PRRC2C: variants seen among roughly 807,000 people sequenced by gnomAD.
The protein encoded by PRRC2C is proline rich coiled-coil 2C, also known as protein PRRC2C.
Under a neutral mutation model 317.2 loss-of-function variants are expected in PRRC2C, and 72 were observed. The ratio of observed to expected loss-of-function variants is 0.23; its 90% CI spans 0.19 to 0.28. The LOEUF is 0.28. Ranked by LOEUF, PRRC2C falls within the 10% of genes least tolerant of loss-of-function variation. The probability of loss-of-function intolerance (pLI) is 1.00; values close to 1 mark genes in which losing one functional copy is unlikely to be tolerated. For synonymous variants in PRRC2C, 1,296 were observed against 1,205.9 expected (o/e 1.07, Z -1.55); for missense variants, 3,074 against 3,459.7 (o/e 0.89, Z 2.80).
At chr1:171,548,731 T>G (rs2102562307) in intron 17 of PRRC2C, among the ~76,000 whole-genome samples, 1 of 152,354 alleles carries the variant, frequency 6.6e-6, no homozygotes, top group Non-Finnish European at 1.5e-5. Context: ...AATAATTGGT[T>G]AGTTGGAAAA....
chr1:171,589,243 CT>C, intron 33 of PRRC2C, 125 bp from the exon 34 acceptor site: 1 of 420,714 alleles, frequency 2.4e-6, no homozygotes, highest in Non-Finnish European at 4.2e-6. Flanking sequence ...AATCTGTACA[CT>C]TCCTTTCACT....
chr1:171,486,673 C>G (rs374216761), intron 1 of PRRC2C, among the ~76,000 whole-genome samples: 1 of 152,120 alleles, frequency 6.6e-6, no homozygotes, highest in South Asian at 2.1e-4. Flanking sequence ...TAGATTCATA[C>G]CTCGTTAGAG....
intron 1 of PRRC2C, among the ~76,000 whole-genome samples, chr1:171,498,280 A>G (rs1359854794): frequency 6.6e-6 from 1 of 152,190 alleles, no homozygotes; most frequent in East Asian, 1.9e-4. Context: ...TATAAATAAC[A>G]GAAATTAATT....
chr1:171,584,373 A>G, intron 29 of PRRC2C, 46 bp from the exon 30 acceptor site: 1 of 1,490,176 alleles, frequency 6.7e-7, no homozygotes, highest in East Asian at 2.4e-5. Context: ...CTGAATTTGA[A>G]ATTTTTTTCA....
At chr1:171,527,950 A>G in intron 11 of PRRC2C, 106 bp downstream of exon 11, 1 of 860,262 alleles carries the variant, frequency 1.2e-6, no homozygotes, top group Non-Finnish European at 1.9e-6. Context: ...ACAGTTACTA[A>G]CTTTTTACCT....
chr1:171,551,861 G>T (rs1280861067), intron 18 of PRRC2C, among the ~76,000 whole-genome samples: 1 of 152,172 alleles, frequency 6.6e-6, no homozygotes, highest in African/African-American at 2.4e-5. Context: ...TTTGGTTACT[G>T]TAGACTTGTA....
chr1:171,525,677 A>G lies in PRRC2C; in HGVS notation c.1200+712A>G, dbSNP rs965912439. On this transcript the variant is annotated intron_variant, in intron 10 of 34. Transcript: ENST00000647382. ...GCAGTTACAGTGTGCTAAGTGGCGT[A>G]ATCATAGAGGGTACAAAATAAATTC... Among the ~76,000 whole-genome samples the G allele has an allele frequency of 5.9e-5, 9 of 152,202 alleles. 1 individual carries two copies. Among genetic ancestry groups the G allele is most frequent in the Non-Finnish European group, 7.4e-5 (5 of 68,022 alleles).
chr1:171,498,726 G>A (rs1668561970), intron 1 of PRRC2C, among the ~76,000 whole-genome samples: 1 of 152,186 alleles, frequency 6.6e-6, no homozygotes, highest in Admixed American at 6.5e-5. Context: ...CTCCCTGGAT[G>A]TCCTACTGGA....
At chr1:171,586,123 C>A (rs1409034615) in intron 30 of PRRC2C, among the ~76,000 whole-genome samples, 1 of 122,012 alleles carries the variant, frequency 8.2e-6, no homozygotes, top group Non-Finnish European at 1.6e-5. Context: ...AGTGCAGTGG[C>A]ATGATCTTGG....
At chr1:171,505,327 T>C (rs1188110939) in intron 1 of PRRC2C, among the ~76,000 whole-genome samples, 2 of 152,078 alleles carry the variant, frequency 1.3e-5, no homozygotes, top group East Asian at 3.9e-4. Flanking sequence ...CGTGTCCGGC[T>C]GTATTTCATT....
chr1:171,536,807 A>G (rs1344834869), intron 14 of PRRC2C, among the ~76,000 whole-genome samples: 1 of 152,216 alleles, frequency 6.6e-6, no homozygotes, highest in Non-Finnish European at 1.5e-5. Context: ...TGATTTTTAC[A>G]TTTATACTGG....
Position 171,523,865 on chromosome 1 carries a change from A to G in PRRC2C, c.1055+343A>G, listed in dbSNP as rs1208093921. Among the ~76,000 whole-genome samples the G allele has an allele frequency of 2.6e-5, 4 of 152,016 alleles. 1 individual carries two copies. Among genetic ancestry groups the G allele is most frequent in the Non-Finnish European group, 5.9e-5 (4 of 67,988 alleles). On this transcript the variant is annotated intron_variant, in intron 9 of 34. Coordinates refer to ENST00000647382, the MANE Select transcript of PRRC2C (RefSeq NM_001387844.1). ...AGCTTGGCCAACATGGTGAAACCCC[A>G]TCTCTACTAAAAATACAAAAATTAT...
intron 1 of PRRC2C, among the ~76,000 whole-genome samples, chr1:171,507,822 T>G (rs1306478857): frequency 6.6e-6 from 1 of 152,218 alleles, no homozygotes; most frequent in East Asian, 1.9e-4. Flanking sequence ...TTCGATTTCT[T>G]GTATCAATAT....
chr1:171,528,681 C>G (rs534537330), intron 11 of PRRC2C, among the ~76,000 whole-genome samples: 137 of 152,282 alleles, frequency 9.0e-4, no homozygotes, highest in African/African-American at 3.0e-3. Context: ...TCTTTTCCCA[C>G]TCTACCTTTG....
chr1:171,493,836 GTTTTTC>G (rs1431227612), intron 1 of PRRC2C, among the ~76,000 whole-genome samples: 2 of 152,038 alleles, frequency 1.3e-5, no homozygotes, highest in Non-Finnish European at 2.9e-5. Flanking sequence ...CTATGCTTGG[GTTTTTC>G]TTTTTAATAT....
rs539179756 is a variant in PRRC2C, at chr1:171,545,771, C to T, written c.4972+84C>T. ...TTTGCTACATTTTAAAATGTAGATGCCACAATTAAAGAAGTTTTCCAAGAA... is the reference window on the plus strand; with the variant it reads ...TTTGCTACATTTTAAAATGTAGATGTCACAATTAAAGAAGTTTTCCAAGAA... On this transcript the variant is annotated intron_variant, in intron 17 of 34. Coordinates refer to ENST00000647382, the MANE Select transcript of PRRC2C (RefSeq NM_001387844.1). The T allele has an allele frequency of 6.4e-6, 6 of 943,304 alleles. No homozygotes were observed. The African/African-American group carries it at 1.1e-4, about 17-fold the overall frequency. The allele number at this position is 943,304 out of a possible 1,614,324, so 58.4% of individuals were successfully genotyped here.
intron 18 of PRRC2C, among the ~76,000 whole-genome samples, chr1:171,551,375 G>A (rs570647865): frequency 2.0e-5 from 3 of 152,144 alleles, no homozygotes; most frequent in South Asian, 2.1e-4. Context: ...TTTGTCAGAT[G>A]AGTAGATTGC....
intron 19 of PRRC2C, 51 bp downstream of exon 19, chr1:171,558,194 G>A: frequency 6.6e-7 from 1 of 1,517,968 alleles, no homozygotes; most frequent in Non-Finnish European, 8.8e-7. Context: ...GGAATACTGA[G>A]GTTTCTTTTC....
chr1:171,512,896 A>G lies in PRRC2C; in HGVS notation c.113-99A>G, dbSNP rs1347931404. 8 of 1,047,434 alleles carry G rather than the reference A, an allele frequency of 7.6e-6. No homozygotes were observed. In the South Asian group the frequency reaches 1.3e-4, roughly 17 times the overall value. 64.9% of individuals were successfully genotyped at this position (1,047,434 alleles called of 1,614,324 possible). ...TAAAATACATGAATGAAAATCATTC[A>G]GGGATTGCATTAATTCCTATTGTTT... On this transcript the variant is annotated intron_variant, in intron 2 of 34. Transcript: ENST00000647382.
Sources: gnomAD v4.1 joint callset for allele counts (sites outside exome capture counted in the v4.1 genomes callset) on GRCh38, gnomAD v4.1.1 for gene constraint, MANE v1.5 for transcripts, NCBI Gene and HGNC (gene_info 2026-07-23, HGNC 2026-07-21) for gene names.